CASTOR2: variants seen among roughly 807,000 people sequenced by gnomAD.
CASTOR2 encodes the protein GATS protein like 2.
Under a neutral mutation model 31.2 loss-of-function variants are expected in CASTOR2, and 8 were observed. The observed-to-expected ratio is 0.26, with a 90% CI of 0.15 to 0.46. The LOEUF (loss-of-function observed/expected upper bound fraction) is 0.46. CASTOR2 is among the 20% of genes least tolerant of loss of function. The pLI, the probability that CASTOR2 is intolerant of heterozygous loss-of-function variation, is 0.99. For missense variants in CASTOR2, 216 were observed against 382.1 expected (o/e 0.57, Z 3.62); for synonymous variants, 162 against 158.7 (o/e 1.02, Z -0.16).
In CASTOR2 at chr7:75,028,066, G is replaced by A; in HGVS notation, c.*3367G>A. On this transcript the variant is annotated 3_prime_UTR_variant, in exon 9 of 9. Transcript: ENST00000616305. ...TGGGCCTGTTGTCTTGGCGCTGGCG[G>A]ATGGGGCAGGTGCCTGGCGGGGGAG... 1 of 1,534,216 alleles carries A rather than the reference G, an allele frequency of 6.5e-7. No homozygotes were observed. Among genetic ancestry groups the A allele is most frequent in the Non-Finnish European group, 8.7e-7 (1 of 1,146,632 alleles).
rs1379858682 is a variant in CASTOR2 at position 75,014,164 on chromosome 7, C to T, written c.185-3434C>T. Among the ~76,000 whole-genome samples, 4 of 152,272 alleles carry T rather than the reference C, an allele frequency of 2.6e-5. No homozygotes were observed. The East Asian group carries it at 7.7e-4, about 29-fold the overall frequency. On this transcript the variant is annotated intron_variant, in intron 2 of 8. Transcript: ENST00000616305. ...GGGCCCAGTGCTTATCTAGGCTCCACATCACTAGCCCTCACCCATCACAGT... is the reference window on the plus strand; with the variant it reads ...GGGCCCAGTGCTTATCTAGGCTCCATATCACTAGCCCTCACCCATCACAGT...
chr7:75,018,146 G>T, intron 4 of CASTOR2, 24 bp downstream of exon 4: 2 of 1,612,060 alleles, frequency 1.2e-6, no homozygotes, highest in South Asian at 1.1e-5. Flanking sequence ...GGGGGTTTGT[G>T]CAGGGGAAAC....
rs1178084776 is a variant in CASTOR2 at position 75,026,188 on chromosome 7, G to GTTTTTT, written c.*1489_*1490insTTTTTT. Among the ~76,000 whole-genome samples the GTTTTTT allele has an allele frequency of 2.7e-4, 31 of 113,260 alleles. 1 individual carries two copies. The highest frequency in any genetic ancestry group is 5.6e-4 in the South Asian group (2 of 3,548). The allele number at this position is 113,260 out of a possible 152,430, so 74.3% of individuals were successfully genotyped here. On this transcript the variant is annotated 3_prime_UTR_variant, in exon 9 of 9. Transcript: ENST00000616305. ...CCCCTGTGGTTTTGGCTCTGGCGGG[G>GTTTTTT]GTTTTTTTTTTTTTTTTTGAGATGG...
At chr7:75,008,142 TC>T in intron 2 of CASTOR2, 78 bp downstream of exon 2, 1 of 1,466,576 alleles carries the variant, frequency 6.8e-7, no homozygotes. Flanking sequence ...CTTATTTCTG[TC>T]CCCCGCCCAC....
At chr7:75,007,935 G>C (rs1439399152) in intron 1 of CASTOR2, 59 bp from the exon 2 acceptor site, 2 of 1,612,998 alleles carry the variant, frequency 1.2e-6, no homozygotes, top group Non-Finnish European at 1.7e-6. Context: ...CGGGTGGGCA[G>C]CTGCCCCAGG....
Position 75,024,918 on chromosome 7 carries a change from G to C in CASTOR2, c.*219G>C, listed in dbSNP as rs896890304. 1.8e-3 allele frequency: 2,069 copies of C among 1,131,868 alleles called. 35 individuals carry two copies. In the African/African-American group the frequency reaches 0.029, roughly 16 times the overall value. 70.1% of individuals were successfully genotyped at this position (1,131,868 alleles called of 1,614,324 possible). On this transcript the variant is annotated 3_prime_UTR_variant, in exon 9 of 9. Coordinates refer to ENST00000616305, the MANE Select transcript of CASTOR2 (RefSeq NM_001145064.3). ...CTTCCCGGAGCCCCCCGACCCTCCA[G>C]AGAACGACCTTTCTCTTCCCTACCT...
chr7:75,012,000 C>A (rs1305215604), intron 2 of CASTOR2, among the ~76,000 whole-genome samples: 1 of 151,714 alleles, frequency 6.6e-6, no homozygotes, highest in African/African-American at 2.4e-5. Context: ...AGAGTAAAGA[C>A]CCATTTTACA....
chr7:74,975,031 C>T (rs1296380857), intron 1 of CASTOR2, among the ~76,000 whole-genome samples: 2 of 148,100 alleles, frequency 1.4e-5, no homozygotes, highest in Non-Finnish European at 3.0e-5. Context: ...TGCAGTGGCA[C>T]GATCTCGGCT....
At chr7:75,009,965 T>C (rs1804700634) in intron 2 of CASTOR2, among the ~76,000 whole-genome samples, 1 of 150,668 alleles carries the variant, frequency 6.6e-6, no homozygotes, top group African/African-American at 2.4e-5. Context: ...ATCACAGGTA[T>C]GATCGTAGTG....
chr7:75,000,199 C>G (rs1804460827), intron 1 of CASTOR2, among the ~76,000 whole-genome samples: 1 of 152,156 alleles, frequency 6.6e-6, no homozygotes, highest in Admixed American at 6.6e-5. Flanking sequence ...GCACTCCAGC[C>G]TGGGTGACAG....
chr7:74,990,232 CA>C (rs1284144677), intron 1 of CASTOR2, among the ~76,000 whole-genome samples: 1 of 151,530 alleles, frequency 6.6e-6, no homozygotes, highest in African/African-American at 2.4e-5. Flanking sequence ...ACTAAAAATA[CA>C]AAAAATTAGC....
chr7:74,989,038 G>A (rs1804141872), intron 1 of CASTOR2, among the ~76,000 whole-genome samples: 2 of 147,222 alleles, frequency 1.4e-5, no homozygotes, highest in African/African-American at 5.0e-5. Context: ...TCGGCTCACT[G>A]CAAGCTCCGC....
intron 1 of CASTOR2, among the ~76,000 whole-genome samples, chr7:74,982,394 C>T (rs1803966360): frequency 6.6e-6 from 1 of 151,828 alleles, no homozygotes; most frequent in South Asian, 2.1e-4. Flanking sequence ...AGGGCTTGGC[C>T]CCAGGCGAGT....
intron 1 of CASTOR2, among the ~76,000 whole-genome samples, chr7:74,988,336 C>A (rs1372727284): frequency 6.6e-6 from 1 of 151,978 alleles, no homozygotes; most frequent in Non-Finnish European, 1.5e-5. Flanking sequence ...CTCACTCTGT[C>A]GCCCAGGCTG....
chr7:75,001,733 G>A (rs1804502455), intron 1 of CASTOR2, among the ~76,000 whole-genome samples: 1 of 152,200 alleles, frequency 6.6e-6, no homozygotes, highest in Non-Finnish European at 1.5e-5. Flanking sequence ...TCAGATACAA[G>A]GTGTGTGTAC....
chr7:75,018,931 C>G, intron 4 of CASTOR2, 41 bp from the exon 5 acceptor site: 1 of 1,551,770 alleles, frequency 6.4e-7, no homozygotes, highest in Non-Finnish European at 8.7e-7. Context: ...CTGCTGCTTT[C>G]AGTCCCAGCC....
At chr7:74,992,514 A>C (rs1804235993) in intron 1 of CASTOR2, among the ~76,000 whole-genome samples, 1 of 152,006 alleles carries the variant, frequency 6.6e-6, no homozygotes, top group African/African-American at 2.4e-5. Context: ...ATCTCGGCTC[A>C]CTGCAACCTC....
Position 75,020,033 on chromosome 7 carries a change from C to A in CASTOR2, c.636-6C>A, listed in dbSNP as rs1804956041. ...CCCATCTTTACCAGCTGCCTCTGGT[C>A]CCCAGAGTGAAGGACCCCATGGCCA... On this transcript the variant is annotated splice_polypyrimidine_tract_variant and splice_region_variant and intron_variant, in intron 5 of 8. Coordinates refer to ENST00000616305, the MANE Select transcript of CASTOR2 (RefSeq NM_001145064.3). 6.4e-7 allele frequency: 1 copy of A among 1,550,930 alleles called. No homozygotes were observed. Among genetic ancestry groups the A allele is most frequent in the African/African-American group, 1.4e-5 (1 of 73,038 alleles).
At chr7:75,007,009 CT>C (rs1804621549) in intron 1 of CASTOR2, among the ~76,000 whole-genome samples, 1 of 152,158 alleles carries the variant, frequency 6.6e-6, no homozygotes, top group South Asian at 2.1e-4. Context: ...CCCAGCTCCC[CT>C]CAATGGGTGG....
Sources: gnomAD v4.1 joint callset for allele counts (sites outside exome capture counted in the v4.1 genomes callset) on GRCh38, gnomAD v4.1.1 for gene constraint, MANE v1.5 for transcripts, NCBI Gene and HGNC (gene_info 2026-07-23, HGNC 2026-07-21) for gene names.